The following ARHGAP24 variants were observed in gnomAD, a reference collection of about 807,000 sequenced individuals.
ARHGAP24 encodes the protein Rho GTPase activating protein 24.
Under a neutral mutation model 76.4 loss-of-function variants are expected in ARHGAP24, and 50 were observed. The observed-to-expected ratio is 0.65, with a 90% CI of 0.52 to 0.83. The LOEUF is 0.83. Ranked by LOEUF, ARHGAP24 falls within the 40% of genes least tolerant of loss-of-function variation. ARHGAP24 has a pLI of 0.00. For missense variants in ARHGAP24, 930 were observed against 914.2 expected (o/e 1.02, Z -0.22); for synonymous variants, 345 against 323.3 (o/e 1.07, Z -0.72).
intron 3 of ARHGAP24, among the ~76,000 whole-genome samples, chr4:85,915,632 C>T (rs991301747): frequency 6.6e-6 from 1 of 151,412 alleles, no homozygotes; most frequent in Non-Finnish European, 1.5e-5. Flanking sequence ...CATGTGTTCT[C>T]GTCGTTCAAC....
chr4:85,723,168 T>C (rs1725023328), intron 3 of ARHGAP24: 1 of 152,210 alleles, frequency 6.6e-6, no homozygotes, highest in Non-Finnish European at 1.5e-5. Context: ...GTCTTTGAAG[T>C]ATCAGTAGAG....
chr4:85,866,926 C>T (rs1386402734), intron 3 of ARHGAP24, among the ~76,000 whole-genome samples: 1 of 152,074 alleles, frequency 6.6e-6, no homozygotes, highest in Non-Finnish European at 1.5e-5. Context: ...GCTGCCTGCC[C>T]ATGCTTTTGT....
chr4:85,803,609 T>C (rs994637961), intron 3 of ARHGAP24, among the ~76,000 whole-genome samples: 5 of 152,242 alleles, frequency 3.3e-5, no homozygotes, highest in African/African-American at 1.2e-4. Flanking sequence ...TTTTAAAATA[T>C]TGAGATTCTT....
chr4:85,997,643 T>TAAC (rs1740761910), intron 9 of ARHGAP24, among the ~76,000 whole-genome samples: 2 of 151,754 alleles, frequency 1.3e-5, no homozygotes, highest in Admixed American at 1.3e-4. Flanking sequence ...TAACTTTTTC[T>TAAC]TTTCTTATTT....
intron 3 of ARHGAP24, among the ~76,000 whole-genome samples, chr4:85,809,351 A>G (rs961203023): frequency 6.6e-6 from 1 of 152,190 alleles, no homozygotes; most frequent in African/African-American, 2.4e-5. Context: ...AAGAAAAGAA[A>G]TATACATACC....
At chr4:85,977,170 T>C (rs1739391075) in intron 7 of ARHGAP24, among the ~76,000 whole-genome samples, 1 of 152,174 alleles carries the variant, frequency 6.6e-6, no homozygotes, top group South Asian at 2.1e-4. Flanking sequence ...ATTCCTCCTG[T>C]CTAAAGAAGG....
intron 3 of ARHGAP24, among the ~76,000 whole-genome samples, chr4:85,789,824 G>A: frequency 6.6e-6 from 1 of 152,146 alleles, no homozygotes; most frequent in Non-Finnish European, 1.5e-5. Flanking sequence ...ATCTTCTTGA[G>A]AAGTCCTACT....
chr4:85,848,913 C>T (rs555148599), intron 3 of ARHGAP24, among the ~76,000 whole-genome samples: 1 of 152,224 alleles, frequency 6.6e-6, no homozygotes, highest in South Asian at 2.1e-4. Flanking sequence ...TTGCGTAGGA[C>T]TGTCTTGGAA....
intron 2 of ARHGAP24, among the ~76,000 whole-genome samples, chr4:85,647,774 C>T (rs1721777726): frequency 6.6e-6 from 1 of 152,084 alleles, no homozygotes; most frequent in African/African-American, 2.4e-5. Context: ...TCTTAGTGAA[C>T]ATTATAAGAC....
chr4:85,932,531 C>G (rs1334497467), intron 4 of ARHGAP24, among the ~76,000 whole-genome samples: 1 of 150,330 alleles, frequency 6.7e-6, no homozygotes, highest in Non-Finnish European at 1.5e-5. Context: ...CTCCCTTTCT[C>G]CTTAAATACT....
chr4:85,606,062 TACA>T (rs895484770), intron 2 of ARHGAP24, among the ~76,000 whole-genome samples: 1 of 152,186 alleles, frequency 6.6e-6, no homozygotes, highest in Non-Finnish European at 1.5e-5. Context: ...AGTGGAAAAT[TACA>T]ACATTTATGT....
intron 3 of ARHGAP24, among the ~76,000 whole-genome samples, chr4:85,895,025 A>T: frequency 7.5e-6 from 1 of 133,850 alleles, no homozygotes; most frequent in Non-Finnish European, 1.6e-5. Context: ...AAAAAAAGAA[A>T]AGAAAAGCAG....
In ARHGAP24 at chr4:85,656,550, C is replaced by T. The variant is rs1450093654; in HGVS notation, c.181-65335C>T. On this transcript the variant is annotated intron_variant, in intron 2 of 9. Coordinates refer to ENST00000395184, the MANE Select transcript of ARHGAP24 (RefSeq NM_001025616.3). Reference sequence around the variant, plus strand: ...TGGCGTGATCTTGGCTTACTGCAAACTTCGCCTCCTGAGTTCAAGCGATTC... The same window carrying T: ...TGGCGTGATCTTGGCTTACTGCAAATTTCGCCTCCTGAGTTCAAGCGATTC... Among the ~76,000 whole-genome samples the T allele has an allele frequency of 3.3e-5, 5 of 152,122 alleles. No homozygotes were observed. The East Asian group carries it at 5.8e-4, about 18-fold the overall frequency.
At chr4:85,720,511 T>G (rs1270299685) in intron 2 of ARHGAP24, among the ~76,000 whole-genome samples, 2 of 152,160 alleles carry the variant, frequency 1.3e-5, no homozygotes, top group Admixed American at 1.3e-4. Context: ...TTGACTAAGT[T>G]GAGTTTAAGA....
intron 3 of ARHGAP24, among the ~76,000 whole-genome samples, chr4:85,834,566 G>C (rs1232348745): frequency 2.0e-5 from 3 of 152,180 alleles, no homozygotes; most frequent in Non-Finnish European, 4.4e-5. Context: ...AAGGAGGATA[G>C]AGTGAGAAAC....
intron 3 of ARHGAP24, among the ~76,000 whole-genome samples, chr4:85,899,565 T>C (rs1157978510): frequency 2.6e-5 from 4 of 152,204 alleles, no homozygotes; most frequent in African/African-American, 4.8e-5. Flanking sequence ...TGAAGTGAGA[T>C]TGCAATGCAG....
chr4:85,782,806 G>A (rs992955721), intron 3 of ARHGAP24, among the ~76,000 whole-genome samples: 1 of 152,110 alleles, frequency 6.6e-6, no homozygotes, highest in African/African-American at 2.4e-5. Context: ...GGAGCTTCTG[G>A]ACAGTTGAAG....
chr4:85,583,869 AT>A (rs1258530467), intron 2 of ARHGAP24, among the ~76,000 whole-genome samples: 2 of 134,742 alleles, frequency 1.5e-5, no homozygotes, highest in Admixed American at 1.7e-4. Context: ...CATCAGAGAA[AT>A]GCAAATCAAA....
intron 2 of ARHGAP24, among the ~76,000 whole-genome samples, chr4:85,594,430 C>T (rs991623862): frequency 2.0e-5 from 3 of 151,912 alleles, no homozygotes; most frequent in African/African-American, 4.8e-5. Context: ...CCAATTTGGT[C>T]GCCCCTTATT....
Sources: allele counts gnomAD v4.1 joint callset (sites outside exome capture counted in the v4.1 genomes callset), GRCh38; gene constraint gnomAD v4.1.1; transcripts MANE v1.5; gene names NCBI Gene and HGNC (gene_info 2026-07-23, HGNC 2026-07-21).